CNTNAP2: variants seen among roughly 807,000 people sequenced by gnomAD.
The protein encoded by CNTNAP2 is contactin associated protein 2.
In CNTNAP2, 98 loss-of-function variants were observed where a neutral mutation model predicts 155.2. The observed-to-expected ratio is 0.63, with a 90% CI of 0.54 to 0.75. The LOEUF (loss-of-function observed/expected upper bound fraction) is 0.75. Among genes scored for constraint, CNTNAP2 ranks in the 30% least tolerant of loss-of-function variants. The pLI, the probability that CNTNAP2 is intolerant of heterozygous loss-of-function variation, is 0.00. For synonymous variants in CNTNAP2, 651 were observed against 631.2 expected (o/e 1.03, Z -0.47); for missense variants, 1,727 against 1,688.1 (o/e 1.02, Z -0.40).
chr7:147,350,850 AAAATTT>A (rs1795955961), intron 9 of CNTNAP2, among the ~76,000 whole-genome samples: 2 of 151,930 alleles, frequency 1.3e-5, no homozygotes, highest in Admixed American at 1.3e-4. Flanking sequence ...AGTACCTAAA[AAAATTT>A]AAATTTATAA....
At chr7:146,713,793 T>C (rs1453127509) in intron 1 of CNTNAP2, among the ~76,000 whole-genome samples, 1 of 152,168 alleles carries the variant, frequency 6.6e-6, no homozygotes, top group Non-Finnish European at 1.5e-5. Flanking sequence ...TTCCTACTCA[T>C]TCCTGACTCT....
chr7:147,327,488 A>G (rs964761799), intron 9 of CNTNAP2, among the ~76,000 whole-genome samples: 9 of 152,350 alleles, frequency 5.9e-5, no homozygotes, highest in Admixed American at 5.9e-4. Context: ...ACTGCTTTTG[A>G]TATTCCACAA....
chr7:147,621,087 G>A (rs1232892833), intron 12 of CNTNAP2, among the ~76,000 whole-genome samples: 3 of 152,088 alleles, frequency 2.0e-5, no homozygotes, highest in South Asian at 4.1e-4. Flanking sequence ...ACATATTTAC[G>A]GTGCTGAAAG....
chr7:146,333,751 G>A (rs1161844203), intron 1 of CNTNAP2, among the ~76,000 whole-genome samples: 2 of 152,138 alleles, frequency 1.3e-5, no homozygotes, highest in African/African-American at 4.8e-5. Flanking sequence ...CTTTCGGTTG[G>A]TAACTCTTTT....
intron 15 of CNTNAP2, among the ~76,000 whole-genome samples, chr7:148,095,715 G>A (rs971400923): frequency 9.2e-5 from 14 of 152,174 alleles, no homozygotes; most frequent in Non-Finnish European, 5.9e-5. Flanking sequence ...AGCACCATCG[G>A]GGAAAAATAA....
At chr7:147,582,706 T>C (rs1800527013) in intron 12 of CNTNAP2, among the ~76,000 whole-genome samples, 1 of 152,142 alleles carries the variant, frequency 6.6e-6, no homozygotes, top group African/African-American at 2.4e-5. Context: ...TTCTAGCTTA[T>C]CTTATTAATT....
At chr7:146,423,725 G>A (rs538597936) in intron 1 of CNTNAP2, among the ~76,000 whole-genome samples, 1 of 152,236 alleles carries the variant, frequency 6.6e-6, no homozygotes, top group African/African-American at 2.4e-5. Flanking sequence ...TTTACACTTA[G>A]CATTTATTTT....
chr7:147,720,922 G>A (rs1050412393), intron 13 of CNTNAP2, among the ~76,000 whole-genome samples: 1 of 152,090 alleles, frequency 6.6e-6, no homozygotes, highest in Non-Finnish European at 1.5e-5. Flanking sequence ...CTAGCCCACA[G>A]CCTGTGAGTT....
chr7:146,295,843 C>T (rs1300003864), intron 1 of CNTNAP2, among the ~76,000 whole-genome samples: 1 of 150,532 alleles, frequency 6.6e-6, no homozygotes, highest in African/African-American at 2.4e-5. Context: ...GCACCGCACT[C>T]CAGCCTGGGC....
chr7:146,640,560 A>C (rs184890749), intron 1 of CNTNAP2, among the ~76,000 whole-genome samples: 1 of 152,336 alleles, frequency 6.6e-6, no homozygotes, highest in Admixed American at 6.5e-5. Flanking sequence ...TTAGCAAATT[A>C]GTTTAATGAG....
chr7:146,375,364 A>G (rs1299383990), intron 1 of CNTNAP2, among the ~76,000 whole-genome samples: 1 of 152,216 alleles, frequency 6.6e-6, no homozygotes, highest in Admixed American at 6.5e-5. Flanking sequence ...GAGCAGACTC[A>G]CCCAAACAAT....
chr7:146,289,199 C>T (rs1353503513), intron 1 of CNTNAP2, among the ~76,000 whole-genome samples: 1 of 152,028 alleles, frequency 6.6e-6, no homozygotes, highest in African/African-American at 2.4e-5. Context: ...TTCCATTGAC[C>T]TTGGTGCATA....
chr7:146,628,679 T>C (rs1441021630), intron 1 of CNTNAP2, among the ~76,000 whole-genome samples: 1 of 151,848 alleles, frequency 6.6e-6, no homozygotes, highest in Non-Finnish European at 1.5e-5. Flanking sequence ...TTAGAGAGAG[T>C]AGAACTTTCC....
intron 8 of CNTNAP2, chr7:147,146,756 A>G (rs2129288503): frequency 6.6e-6 from 1 of 152,374 alleles, no homozygotes; most frequent in South Asian, 2.1e-4. Context: ...TTCATCGGAA[A>G]CAATTAAAAT....
At chr7:147,173,151 G>A (rs886077496) in intron 8 of CNTNAP2, among the ~76,000 whole-genome samples, 1 of 152,114 alleles carries the variant, frequency 6.6e-6, no homozygotes, top group Admixed American at 6.5e-5. Context: ...ATTAAAGTCT[G>A]CACTTTCTCA....
At chr7:146,174,361 C>T (rs1478621125) in intron 1 of CNTNAP2, among the ~76,000 whole-genome samples, 2 of 151,996 alleles carry the variant, frequency 1.3e-5, no homozygotes, top group East Asian at 3.9e-4. Flanking sequence ...AAACTATAGG[C>T]CAGGAGCAGT....
At chr7:147,611,827 C>T (rs770249713) in intron 12 of CNTNAP2, among the ~76,000 whole-genome samples, 1 of 152,204 alleles carries the variant, frequency 6.6e-6, no homozygotes, top group African/African-American at 2.4e-5. Flanking sequence ...ATGCCTCAAA[C>T]TACCACAGCG....
chr7:147,884,015 C>G (rs2247143), intron 13 of CNTNAP2, among the ~76,000 whole-genome samples: 86,661 of 152,002 alleles, frequency 0.57, 25,285 homozygotes, highest in African/African-American at 0.69. Flanking sequence ...TGGAGTGAAG[C>G]AAAGATGCTC....
intron 1 of CNTNAP2, among the ~76,000 whole-genome samples, chr7:146,224,464 G>A (rs1248413802): frequency 6.6e-6 from 1 of 150,984 alleles, no homozygotes; most frequent in Non-Finnish European, 1.5e-5. Flanking sequence ...ACTAAGATTT[G>A]GGGCCGGGCG....
Sources: gnomAD v4.1 joint callset for allele counts (sites outside exome capture counted in the v4.1 genomes callset) on GRCh38, gnomAD v4.1.1 for gene constraint, MANE v1.5 for transcripts, NCBI Gene and HGNC (gene_info 2026-07-23, HGNC 2026-07-21) for gene names.